Variants in TRPS1 observed in about 807,000 individuals in gnomAD.
The protein encoded by TRPS1 is zinc finger transcription factor Trps1.
In TRPS1, 6 loss-of-function variants were observed where a neutral mutation model predicts 101.2. The ratio of observed to expected loss-of-function variants is 0.06; its 90% CI spans 0.03 to 0.12. The LOEUF is 0.12. Among genes scored for constraint, TRPS1 ranks in the 10% least tolerant of loss-of-function variants. TRPS1 has a pLI of 1.00. For synonymous variants in TRPS1, 578 were observed against 589.8 expected, an observed-to-expected ratio of 0.98 and a Z score of 0.29; for missense variants, 1,363 against 1,567.0, an observed-to-expected ratio of 0.87 and a Z score of 2.20.
chr8:115,654,501 C>A (rs1281548813), intron 1 of TRPS1, among the ~76,000 whole-genome samples: 1 of 152,106 alleles, frequency 6.6e-6, no homozygotes. Flanking sequence ...AGTTTTTCAA[C>A]CTGCCAAGGG....
At position 115,597,782 on chromosome 8, in the gene TRPS1, C is replaced by T. The variant is rs575423956; in HGVS notation, c.2096+6091G>A. Among the ~76,000 whole-genome samples the T allele has an allele frequency of 2.0e-5, 3 of 152,120 alleles. No homozygotes were observed. In the South Asian group the frequency reaches 6.2e-4, roughly 32 times the overall value. Reference sequence around the variant, plus strand: ...ATTGTACTTTCTGAAGAAGTTAAACCTCTTATTATGCAATGATCCCTTCTT... The same window carrying T: ...ATTGTACTTTCTGAAGAAGTTAAACTTCTTATTATGCAATGATCCCTTCTT... On this transcript the variant is annotated intron_variant, in intron 4 of 6. Coordinates refer to ENST00000395715, the MANE Select transcript of TRPS1 (RefSeq NM_014112.5).
intron 4 of TRPS1, among the ~76,000 whole-genome samples, chr8:115,588,111 G>T (rs1817609079): frequency 1.3e-5 from 2 of 152,032 alleles, no homozygotes; most frequent in South Asian, 4.2e-4. Flanking sequence ...TCCCCCTGTA[G>T]ATACACTTCA....
At chr8:115,442,153 G>T (rs899823672) in intron 5 of TRPS1, among the ~76,000 whole-genome samples, 22 of 152,096 alleles carry the variant, frequency 1.4e-4, no homozygotes, top group African/African-American at 5.3e-4. Context: ...TCATTATTTA[G>T]TCTACATGAT....
intron 5 of TRPS1, among the ~76,000 whole-genome samples, chr8:115,512,445 C>T (rs1267649274): frequency 2.0e-5 from 3 of 151,464 alleles, no homozygotes; most frequent in Non-Finnish European, 4.4e-5. Context: ...ATTCATTGTT[C>T]TTAGACAACT....
rs913915247 is a variant in TRPS1 at position 115,415,482 on chromosome 8, G to C, written c.2824-398C>G. ...ATGCCAGCATATAAGAGTAACACAG[G>C]AGATACATATTGTTAACAGTGGAAA... On this transcript the variant is annotated intron_variant, in intron 6 of 6. Transcript: ENST00000395715. Among the ~76,000 whole-genome samples the C allele has an allele frequency of 4.6e-5, 7 of 152,202 alleles. No individual in the cohort carries two copies. The South Asian group carries it at 1.5e-3, about 32-fold the overall frequency.
At chr8:115,442,983 C>G (rs1813644665) in intron 5 of TRPS1, among the ~76,000 whole-genome samples, 2 of 152,078 alleles carry the variant, frequency 1.3e-5, no homozygotes, top group South Asian at 4.1e-4. Flanking sequence ...GTAGTCCCAG[C>G]TGCCAGAGAG....
chr8:115,464,100 A>G (rs1438624965), intron 5 of TRPS1, among the ~76,000 whole-genome samples: 1 of 152,034 alleles, frequency 6.6e-6, no homozygotes, highest in Non-Finnish European at 1.5e-5. Flanking sequence ...AAAATCACCA[A>G]ATAGCTGTCT....
intron 5 of TRPS1, among the ~76,000 whole-genome samples, chr8:115,574,820 T>G (rs1817279957): frequency 6.6e-6 from 1 of 152,100 alleles, no homozygotes; most frequent in Admixed American, 6.6e-5. Context: ...AATCTTTCAA[T>G]TATGAAAGTA....
At chr8:115,668,341 C>CTTTTTTTTT (rs773247592) in intron 1 of TRPS1, 1 of 91,514 alleles carries the variant, frequency 1.1e-5, no homozygotes, top group African/African-American at 5.5e-5. Context: ...TCTCCCTCTG[C>CTTTTTTTTT]TTTTTTTTTT....
chr8:115,580,245 A>AAT (rs1554591593), intron 5 of TRPS1, among the ~76,000 whole-genome samples: 3,883 of 139,754 alleles, frequency 0.028, 136 homozygotes, highest in East Asian at 0.14. Flanking sequence ...AAAAAAAAAA[A>AAT]ATATATATAT....
chr8:115,439,013 T>C (rs1813523937), intron 5 of TRPS1, among the ~76,000 whole-genome samples: 1 of 152,208 alleles, frequency 6.6e-6, no homozygotes, highest in East Asian at 1.9e-4. Context: ...TACTCACCTG[T>C]TCTATCCCTG....
chr8:115,655,261 C>T (rs895747262), intron 1 of TRPS1, among the ~76,000 whole-genome samples: 5 of 152,190 alleles, frequency 3.3e-5, no homozygotes, highest in Non-Finnish European at 7.4e-5. Flanking sequence ...TTTAGACTGA[C>T]CAGCTGAAGA....
intron 5 of TRPS1, among the ~76,000 whole-genome samples, chr8:115,563,152 C>CACCCAACAA (rs1180283260): frequency 1.3e-5 from 2 of 152,122 alleles, no homozygotes; most frequent in East Asian, 3.9e-4. Context: ...AAAAACGTCC[C>CACCCAACAA]ACCCAACAAA....
At chr8:115,667,378 T>C (rs910325755) in intron 1 of TRPS1, among the ~76,000 whole-genome samples, 2 of 152,148 alleles carry the variant, frequency 1.3e-5, no homozygotes, top group South Asian at 2.1e-4. Context: ...GGTCCTATAA[T>C]CCTGGAGTTA....
At chr8:115,553,730 T>C (rs947312642) in intron 5 of TRPS1, among the ~76,000 whole-genome samples, 3 of 152,144 alleles carry the variant, frequency 2.0e-5, no homozygotes, top group Non-Finnish European at 4.4e-5. Context: ...ATGATAGATA[T>C]TAGAAACTTT....
At chr8:115,571,974 T>A (rs927866882) in intron 5 of TRPS1, among the ~76,000 whole-genome samples, 5 of 152,060 alleles carry the variant, frequency 3.3e-5, no homozygotes, top group African/African-American at 1.2e-4. Context: ...TATATTTATA[T>A]ATTTAAAAGA....
At chr8:115,417,266 G>A (rs1337821195) in intron 6 of TRPS1, among the ~76,000 whole-genome samples, 61 of 152,212 alleles carry the variant, frequency 4.0e-4, no homozygotes, top group Non-Finnish European at 1.5e-5. Context: ...GTGGTGGGGG[G>A]TGGAATCTTT....
intron 5 of TRPS1, among the ~76,000 whole-genome samples, chr8:115,584,705 C>T (rs1182984716): frequency 1.3e-5 from 2 of 149,962 alleles, no homozygotes; most frequent in East Asian, 3.9e-4. Flanking sequence ...AGAATACCAA[C>T]TAATACCACC....
At chr8:115,524,943 A>G (rs1271498826) in intron 5 of TRPS1, among the ~76,000 whole-genome samples, 1 of 152,160 alleles carries the variant, frequency 6.6e-6, no homozygotes, top group Admixed American at 6.5e-5. Context: ...TTTTACAAAG[A>G]TTTTAGTATG....
Sources: gnomAD v4.1 joint callset for allele counts (sites outside exome capture counted in the v4.1 genomes callset) on GRCh38, gnomAD v4.1.1 for gene constraint, MANE v1.5 for transcripts, NCBI Gene and HGNC (gene_info 2026-07-23, HGNC 2026-07-21) for gene names.